FAM107B: variants seen among roughly 807,000 people sequenced by gnomAD.
FAM107B encodes protein FAM107B.
A neutral mutation model predicts 31.5 loss-of-function variants in FAM107B; 21 were observed. The ratio of observed to expected loss-of-function variants is 0.67; its 90% CI spans 0.47 to 0.96. FAM107B has a LOEUF of 0.96. FAM107B is among the 40% of genes least tolerant of loss of function. The pLI, the probability that FAM107B is intolerant of heterozygous loss-of-function variation, is 0.00. For synonymous variants in FAM107B, 157 were observed against 141.5 expected (o/e 1.11, Z -0.78); for missense variants, 452 against 377.1 (o/e 1.20, Z -1.64).
At chr10:14,771,391 G>A (rs1191685605) in intron 1 of FAM107B, among the ~76,000 whole-genome samples, 1 of 152,190 alleles carries the variant, frequency 6.6e-6, no homozygotes, top group Admixed American at 6.5e-5. Context: ...CAGTTAGAAG[G>A]AACAAATTCG....
chr10:14,569,329 A>G (rs1207235627), intron 2 of FAM107B, among the ~76,000 whole-genome samples: 1 of 152,160 alleles, frequency 6.6e-6, no homozygotes, highest in Non-Finnish European at 1.5e-5. Context: ...GATTCGAGTT[A>G]TCCTATCCCC....
intron 1 of FAM107B, among the ~76,000 whole-genome samples, chr10:14,735,772 G>C (rs976511947): frequency 6.6e-6 from 1 of 152,104 alleles, no homozygotes; most frequent in African/African-American, 2.4e-5. Flanking sequence ...AACTCCCAGG[G>C]ATCTGCGATT....
intron 1 of FAM107B, among the ~76,000 whole-genome samples, chr10:14,757,764 C>T (rs1014552888): frequency 6.6e-6 from 1 of 152,154 alleles, no homozygotes; most frequent in Non-Finnish European, 1.5e-5. Context: ...TTTCTCATAA[C>T]GTCCAAGGTA....
chr10:14,647,823 C>G (rs1276880165), intron 2 of FAM107B, among the ~76,000 whole-genome samples: 2 of 152,160 alleles, frequency 1.3e-5, no homozygotes, highest in African/African-American at 4.8e-5. Context: ...ATGACCAATG[C>G]TCTCAGTAAG....
intron 3 of FAM107B, among the ~76,000 whole-genome samples, chr10:14,523,591 A>C (rs1051982815): frequency 6.6e-6 from 1 of 152,236 alleles, no homozygotes; most frequent in Non-Finnish European, 1.5e-5. Context: ...AACGACTCCT[A>C]TCAACTACCG....
At chr10:14,532,218 T>C (rs936527532) in intron 2 of FAM107B, among the ~76,000 whole-genome samples, 3 of 152,160 alleles carry the variant, frequency 2.0e-5, no homozygotes, top group East Asian at 3.9e-4. Flanking sequence ...CCTGCTTGTA[T>C]CCTTCCAGGC....
At chr10:14,666,883 C>T (rs1854416409) in intron 2 of FAM107B, among the ~76,000 whole-genome samples, 1 of 152,096 alleles carries the variant, frequency 6.6e-6, no homozygotes, top group African/African-American at 2.4e-5. Flanking sequence ...TTTTCATTAC[C>T]ACTTCCAATT....
At chr10:14,623,021 A>G (rs1388048969) in intron 2 of FAM107B, among the ~76,000 whole-genome samples, 1 of 152,196 alleles carries the variant, frequency 6.6e-6, no homozygotes, top group Non-Finnish European at 1.5e-5. Context: ...GACTGATACT[A>G]GTTTATCCAT....
chr10:14,588,214 A>G (rs77731874), intron 2 of FAM107B, among the ~76,000 whole-genome samples: 2,485 of 152,206 alleles, frequency 0.016, 67 homozygotes, highest in African/African-American at 0.056. Context: ...TGTGCGTGCA[A>G]GCTGTTCTGT....
chr10:14,547,688 T>C (rs1848825772), intron 2 of FAM107B, among the ~76,000 whole-genome samples: 3 of 152,222 alleles, frequency 2.0e-5, no homozygotes, highest in Non-Finnish European at 2.9e-5. Context: ...TATTTCACTT[T>C]TGAAATACTG....
At chr10:14,753,942 CTTT>C (rs199813069) in intron 1 of FAM107B, among the ~76,000 whole-genome samples, 1 of 134,126 alleles carries the variant, frequency 7.5e-6, no homozygotes, top group Non-Finnish European at 1.6e-5. Flanking sequence ...TCTTTTTTTT[CTTT>C]TTTTTTTTTT....
intron 2 of FAM107B, among the ~76,000 whole-genome samples, chr10:14,625,101 TG>T (rs1853122533): frequency 6.6e-6 from 1 of 151,940 alleles, no homozygotes. Flanking sequence ...GGCATGCACC[TG>T]TAATTCCAGC....
At chr10:14,698,036 G>C (rs1344718450) in intron 1 of FAM107B, among the ~76,000 whole-genome samples, 1 of 151,798 alleles carries the variant, frequency 6.6e-6, no homozygotes, top group Admixed American at 6.6e-5. Flanking sequence ...GACGCACAAG[G>C]ATCGATTGAA....
chr10:14,755,691 C>T (rs550496275), intron 1 of FAM107B, among the ~76,000 whole-genome samples: 13 of 152,152 alleles, frequency 8.5e-5, no homozygotes, highest in South Asian at 2.1e-4. Context: ...CTCACCGAAA[C>T]GAAACTCAGC....
intron 1 of FAM107B, among the ~76,000 whole-genome samples, chr10:14,694,545 G>A (rs535982056): frequency 2.6e-5 from 4 of 152,098 alleles, no homozygotes; most frequent in East Asian, 1.9e-4. Context: ...CACTATGCCC[G>A]GCTAATTTTG....
At chr10:14,596,296 G>A (rs72768950) in intron 2 of FAM107B, among the ~76,000 whole-genome samples, 5,555 of 152,194 alleles carry the variant, frequency 0.036, 136 homozygotes, top group Non-Finnish European at 0.06. Context: ...TTACAGCACT[G>A]ACCATGGGAA....
rs773477312 is a variant in FAM107B at position 14,667,651 on chromosome 10, T to G, written c.452A>C (p.Glu151Ala). 2 of 1,614,176 alleles carry G rather than the reference T, an allele frequency of 1.2e-6. No homozygotes were observed. Among genetic ancestry groups the G allele is most frequent in the South Asian group, 2.2e-5 (2 of 91,072 alleles). The change falls in exon 2 of 5, where the codon GAG (glutamate) becomes GCG (alanine). Residue 151 changes from glutamate to alanine, a missense_variant. Transcript: ENST00000181796. ...FREEPKCLEL[E>A]QKMTSDSPPE... ...TACTCTACCTGATGTCATTTTCTGC[T>G]CCAGCTCGAGGCATTTAGGTTCTTC...
At position 14,774,617 on chromosome 10, in the gene FAM107B, G is replaced by C; in HGVS notation, c.47C>G (p.Ser16Cys). Residue 16 changes from serine (S) to cysteine (C), a missense_variant, in exon 1 of 5, where the codon TCT becomes TGT. Ser to Cys is a moderately radical substitution (Grantham distance 112, BLOSUM62 -1). Transcript: ENST00000181796. ...GCACGGAAATGGATGCATGCTTCTAGAGGGAGACTTCAGTCTTTTGGTGAG... is the reference window on the plus strand; with the variant it reads ...GCACGGAAATGGATGCATGCTTCTACAGGGAGACTTCAGTCTTTTGGTGAG... ...ARLTKRLKSP[S>C]RSMHPFPCSA... is the part of the protein sequence containing the mutation. The C allele has an allele frequency of 6.2e-7, 1 of 1,614,180 alleles. No individual in the cohort carries two copies. The highest frequency in any genetic ancestry group is 8.5e-7 in the Non-Finnish European group (1 of 1,180,028).
chr10:14,574,574 A>G (rs1391458794), intron 2 of FAM107B, among the ~76,000 whole-genome samples: 6 of 152,216 alleles, frequency 3.9e-5, no homozygotes, highest in African/African-American at 1.4e-4. Flanking sequence ...CAGGCCAGAC[A>G]TACTGTTTTT....
Sources: gnomAD v4.1 joint callset for allele counts (sites outside exome capture counted in the v4.1 genomes callset) on GRCh38, gnomAD v4.1.1 for gene constraint, MANE v1.5 for transcripts, NCBI Gene and HGNC (gene_info 2026-07-23, HGNC 2026-07-21) for gene names.